PHF20L1: variants seen among roughly 807,000 people sequenced by gnomAD.
The protein encoded by PHF20L1 is PHD finger protein 20 like 1.
PHF20L1 carries 44 observed loss-of-function variants against 125.5 expected under a neutral mutation model. The ratio of observed to expected loss-of-function variants is 0.35; its 90% CI spans 0.28 to 0.45. PHF20L1 has a LOEUF of 0.45. PHF20L1 is among the 20% of genes least tolerant of loss of function. The probability of loss-of-function intolerance (pLI) is 1.00; values close to 1 mark genes in which losing one functional copy is unlikely to be tolerated. For missense variants in PHF20L1, 1,012 were observed against 1,217.2 expected (o/e 0.83, Z 2.51); for synonymous variants, 380 against 403.1 (o/e 0.94, Z 0.69).
At chr8:132,828,756 A>G (rs1367607189) in intron 14 of PHF20L1, among the ~76,000 whole-genome samples, 1 of 152,032 alleles carries the variant, frequency 6.6e-6, no homozygotes, top group Non-Finnish European at 1.5e-5. Flanking sequence ...ACTTTGAGCA[A>G]ATCACTTCAT....
rs1361577302 is a variant in PHF20L1, at chr8:132,844,260, A to G, written c.2853A>G (p.Ile951Met). ...LQWQLNLLTH[I>M]ENVQNEVTSR... Reference sequence around the variant, plus strand: ...GGCAGCTCAATCTCCTTACACACATAGAAAATGTGCAGAACGAAGTTACCA... The same window carrying G: ...GGCAGCTCAATCTCCTTACACACATGGAAAATGTGCAGAACGAAGTTACCA... The change falls in exon 20 of 21, where the codon ATA becomes ATG. Residue 951 changes from isoleucine to methionine, a missense_variant. Ile to Met is a conservative substitution (Grantham distance 10). This residue lies in a region of PHF20L1 where 277 missense variants were observed against 283.6 expected (regional missense o/e 0.98). Transcript: ENST00000395386. 1 of 1,612,748 alleles carries G rather than the reference A, an allele frequency of 6.2e-7. No individual in the cohort carries two copies. The highest frequency in any genetic ancestry group is 8.5e-7 in the Non-Finnish European group (1 of 1,179,018).
chr8:132,800,889 A>G (rs974073213), intron 6 of PHF20L1, among the ~76,000 whole-genome samples: 1 of 151,688 alleles, frequency 6.6e-6, no homozygotes, highest in Non-Finnish European at 1.5e-5. Flanking sequence ...TCACTGGGAA[A>G]GAAGGTAATG....
intron 9 of PHF20L1, 199 bp downstream of exon 9, chr8:132,811,327 T>C: frequency 7.7e-7 from 1 of 1,295,678 alleles, no homozygotes; most frequent in South Asian, 2.0e-5. Flanking sequence ...TTTCATAGAC[T>C]GGCATTAAAG....
At chr8:132,796,853 G>A (rs1832448015) in intron 4 of PHF20L1, among the ~76,000 whole-genome samples, 1 of 152,048 alleles carries the variant, frequency 6.6e-6, no homozygotes, top group African/African-American at 2.4e-5. Context: ...GTAATAAGAT[G>A]TACCCAAAAC....
chr8:132,796,443 A>T (rs1016475038), intron 4 of PHF20L1, among the ~76,000 whole-genome samples: 1 of 152,112 alleles, frequency 6.6e-6, no homozygotes, highest in African/African-American at 2.4e-5. Flanking sequence ...GAGAAGATAG[A>T]AGAGGAAAAC....
At chr8:132,830,745 T>C (rs1275155770) in intron 14 of PHF20L1, among the ~76,000 whole-genome samples, 1 of 152,072 alleles carries the variant, frequency 6.6e-6, no homozygotes, top group Non-Finnish European at 1.5e-5. Context: ...TAATCTAGCA[T>C]TTCTCACCAC....
At chr8:132,832,164 T>G in intron 14 of PHF20L1, 71 bp from the exon 15 acceptor site, 1 of 977,926 alleles carries the variant, frequency 1.0e-6, no homozygotes, top group Non-Finnish European at 1.6e-6. Context: ...AAACATGACT[T>G]TCGTTATTTT....
chr8:132,787,378 T>G (rs1831174281), intron 2 of PHF20L1, among the ~76,000 whole-genome samples: 1 of 152,072 alleles, frequency 6.6e-6, no homozygotes, highest in South Asian at 2.1e-4. Context: ...ATTCTGTTCT[T>G]CTCTTTGTTG....
chr8:132,847,258 T>C lies in PHF20L1; in HGVS notation c.*1335T>C, dbSNP rs1838485071. On this transcript the variant is annotated 3_prime_UTR_variant, in exon 21 of 21. Transcript: ENST00000395386. ...TACTATAGACTATACGAATTGGTGG[T>C]TAACATGAAATGTTACCTTTTAACA... 6.6e-6 allele frequency: 1 copy of C among 152,654 alleles called. No individual in the cohort carries two copies. The highest frequency in any genetic ancestry group is 1.5e-5 in the Non-Finnish European group (1 of 68,030). 9.5% of individuals were successfully genotyped at this position (152,654 alleles called of 1,614,324 possible). A position where few individuals can be genotyped will look rare whatever the true frequency, so the allele number is the denominator to read the frequency against.
intron 6 of PHF20L1, among the ~76,000 whole-genome samples, chr8:132,802,677 C>G (rs189664557): frequency 3.9e-4 from 59 of 151,812 alleles, no homozygotes; most frequent in African/African-American, 1.1e-3. Flanking sequence ...CAGTTAGTTG[C>G]AATTATGAGA....
intron 12 of PHF20L1, among the ~76,000 whole-genome samples, chr8:132,821,681 A>T (rs1037767883): frequency 3.3e-5 from 5 of 151,940 alleles, no homozygotes; most frequent in Non-Finnish European, 7.4e-5. Flanking sequence ...AATGTTTAGC[A>T]TACCAGAAGA....
chr8:132,816,507 A>C (rs1835000866), intron 10 of PHF20L1: 1 of 162,748 alleles, frequency 6.1e-6, no homozygotes, highest in South Asian at 1.6e-4. Context: ...AGCAAAAGGA[A>C]TACATATATA....
chr8:132,814,696 C>T lies in PHF20L1; in HGVS notation c.990C>T (p.Ala330=). The T allele has an allele frequency of 6.2e-7, 1 of 1,611,756 alleles. No homozygotes were observed. Among genetic ancestry groups the T allele is most frequent in the Non-Finnish European group, 8.5e-7 (1 of 1,178,396 alleles). The change falls in exon 10 of 21, where the codon GCC becomes GCT. Residue 330 remains alanine, a synonymous_variant. Coordinates refer to ENST00000395386, the MANE Select transcript of PHF20L1 (RefSeq NM_016018.5). ...KKNEADISSS[A]NTQKPALLSS... Reference sequence around the variant, plus strand: ...ATGAAGCTGACATTAGCAGTTCTGCCAACACTCAGAAACCTGCACTGTTAT... The same window carrying T: ...ATGAAGCTGACATTAGCAGTTCTGCTAACACTCAGAAACCTGCACTGTTAT...
chr8:132,843,280 A>T (rs1342678415), intron 19 of PHF20L1: 1 of 985,082 alleles, frequency 1.0e-6, no homozygotes, highest in Non-Finnish European at 1.2e-6. Context: ...TGTTTAAAAA[A>T]TTTTAGCATG....
At chr8:132,797,807 C>T (rs768909320) in intron 4 of PHF20L1, among the ~76,000 whole-genome samples, 1 of 151,812 alleles carries the variant, frequency 6.6e-6, no homozygotes, top group Non-Finnish European at 1.5e-5. Context: ...GGTGCCAACC[C>T]CAAGGACATT....
At chr8:132,827,050 A>T (rs897707367) in intron 14 of PHF20L1, 1 of 151,914 alleles carries the variant, frequency 6.6e-6, no homozygotes, top group Non-Finnish European at 1.5e-5. Context: ...AAATTTGAAG[A>T]TACAGGATCA....
chr8:132,785,808 T>G (rs1428815453), intron 2 of PHF20L1, among the ~76,000 whole-genome samples: 1 of 152,212 alleles, frequency 6.6e-6, no homozygotes, highest in South Asian at 2.1e-4. Context: ...GTTTTCTTAT[T>G]GCCAAAAAAG....
At chr8:132,826,369 G>A (rs1318350264) in intron 14 of PHF20L1, 1 of 152,112 alleles carries the variant, frequency 6.6e-6, no homozygotes, top group South Asian at 2.1e-4. Flanking sequence ...AGGGAGTAAG[G>A]TGACGATGTG....
At chr8:132,786,484 A>G (rs1831041320) in intron 2 of PHF20L1, among the ~76,000 whole-genome samples, 1 of 152,156 alleles carries the variant, frequency 6.6e-6, no homozygotes, top group Non-Finnish European at 1.5e-5. Context: ...AAAAAAATAG[A>G]TAACTTGATT....
Sources: gnomAD v4.1 joint callset for allele counts (sites outside exome capture counted in the v4.1 genomes callset) on GRCh38, gnomAD v4.1.1 for gene constraint, gnomAD v4.1.1 regional missense constraint, MANE v1.5 for transcripts, NCBI Gene and HGNC (gene_info 2026-07-23, HGNC 2026-07-21) for gene names.